INTS15: variants seen among roughly 807,000 people sequenced by gnomAD.
INTS15 encodes integrator complex subunit 15.
At chr7:6,606,125 C>T in the INTS15 span, among the ~76,000 whole-genome samples, 2 of 152,214 alleles carry the variant, frequency 1.3e-5, no homozygotes, top group African/African-American at 4.8e-5. Context: ...CGAAATTTGG[C>T]CTCTGCAGTA....
At chr7:6,602,987 C>T in the INTS15 span, among the ~76,000 whole-genome samples, 106 of 152,242 alleles carry the variant, frequency 7.0e-4, 1 homozygote, top group African/African-American at 2.4e-3. Flanking sequence ...TGGTGGCTCA[C>T]GCCTGTAATC....
At chr7:6,607,887 G>T in the INTS15 span, 1 of 1,576,702 alleles carries the variant, frequency 6.3e-7, no homozygotes, top group East Asian at 2.3e-5. The surrounding 1 kb of genome is among the most constrained non-coding windows in gnomAD (Gnocchi z 6.0). Flanking sequence ...CGGGGGGACG[G>T]GGTCAGCCTA....
the INTS15 span, chr7:6,591,790 T>A: frequency 2.8e-5 from 46 of 1,614,046 alleles, 1 homozygote; most frequent in East Asian, 9.4e-4. Context: ...CCGGATGAGC[T>A]TGTTGGGAAA....
chr7:6,594,416 CTG>C, the INTS15 span: 34 of 1,613,530 alleles, frequency 2.1e-5, 1 homozygote, highest in Admixed American at 5.7e-4. Context: ...GTTAAGTGGA[CTG>C]TGTGGCTTCT....
chr7:6,607,672 G>A, the INTS15 span: 17 of 1,511,440 alleles, frequency 1.1e-5, no homozygotes, highest in South Asian at 1.2e-4. This position sits in a 1 kb window ranked among gnomAD's most constrained non-coding sequence, Gnocchi z 6.0. Context: ...GCAGAGAGCC[G>A]CAGAGGCTGA....
chr7:6,594,031 G>A, the INTS15 span, among the ~76,000 whole-genome samples: 1 of 78,108 alleles, frequency 1.3e-5, no homozygotes, highest in African/African-American at 6.4e-5. Flanking sequence ...TTTTTGAGAT[G>A]AAGTTTTGCT....
At chr7:6,590,370 C>T in the INTS15 span, 2 of 1,607,042 alleles carry the variant, frequency 1.2e-6, no homozygotes, top group African/African-American at 1.3e-5. Context: ...TCTACTTCAG[C>T]AGCCAGCTGC....
the INTS15 span, chr7:6,594,587 T>C: frequency 6.2e-7 from 1 of 1,614,108 alleles, no homozygotes; most frequent in South Asian, 1.1e-5. Context: ...CCGCGCTCTA[T>C]GACCTGTCAT....
chr7:6,604,696 G>A, the INTS15 span, among the ~76,000 whole-genome samples: 1 of 152,208 alleles, frequency 6.6e-6, no homozygotes, highest in Non-Finnish European at 1.5e-5. Flanking sequence ...ACAGAAACAT[G>A]CATAACTCGA....
At chr7:6,590,313 C>T in the INTS15 span, 1,271 of 1,587,282 alleles carry the variant, frequency 8.0e-4, 1 homozygote, top group Non-Finnish European at 1.0e-3. Flanking sequence ...CGCTGCTGCG[C>T]CGCGATGCGC....
the INTS15 span, among the ~76,000 whole-genome samples, chr7:6,596,050 C>CTT: frequency 6.9e-3 from 1,017 of 148,242 alleles, 7 homozygotes; most frequent in African/African-American, 0.02. Context: ...TTTGAGCCTT[C>CTT]TTTTTTTTTT....
At chr7:6,594,232 C>G in the INTS15 span, among the ~76,000 whole-genome samples, 194 of 151,732 alleles carry the variant, frequency 1.3e-3, 2 homozygotes, top group Middle Eastern at 0.014. Flanking sequence ...GTCTCGAACT[C>G]CTGACCTCAG....
the INTS15 span, among the ~76,000 whole-genome samples, chr7:6,595,755 C>T: frequency 6.6e-6 from 1 of 152,068 alleles, no homozygotes; most frequent in South Asian, 2.1e-4. Flanking sequence ...AGTCATAGGT[C>T]ACTGTAGCCT....
the INTS15 span, chr7:6,599,714 C>A: frequency 9.9e-7 from 1 of 1,008,232 alleles, no homozygotes; most frequent in Non-Finnish European, 1.5e-6. Context: ...GAGGCGTGAT[C>A]CAGACCATCA....
chr7:6,600,614 C>T, the INTS15 span, among the ~76,000 whole-genome samples: 2 of 152,174 alleles, frequency 1.3e-5, no homozygotes, highest in African/African-American at 2.4e-5. Context: ...GCCTAGATAG[C>T]TTTCCTTCCA....
chr7:6,602,448 A>C, the INTS15 span, among the ~76,000 whole-genome samples: 4 of 152,176 alleles, frequency 2.6e-5, no homozygotes, highest in Admixed American at 6.6e-5. Flanking sequence ...TGTGAACTGC[A>C]CAGCCCTTTG....
the INTS15 span, among the ~76,000 whole-genome samples, chr7:6,605,808 C>T: frequency 6.6e-6 from 1 of 152,128 alleles, no homozygotes; most frequent in Non-Finnish European, 1.5e-5. Context: ...AAGCGATTCT[C>T]CTGCCTCAGC....
the INTS15 span, chr7:6,590,138 G>A: frequency 3.3e-6 from 2 of 612,490 alleles, no homozygotes; most frequent in Non-Finnish European, 4.8e-6. Flanking sequence ...GAGCAGGCAG[G>A]GAGCAGGCGG....
the INTS15 span, among the ~76,000 whole-genome samples, chr7:6,600,592 G>A: frequency 6.6e-6 from 1 of 152,144 alleles, no homozygotes; most frequent in Non-Finnish European, 1.5e-5. Flanking sequence ...CAGGACTGGG[G>A]ACTCCTTGAG....
Sources: allele counts gnomAD v4.1 joint callset (sites outside exome capture counted in the v4.1 genomes callset), GRCh38; gene constraint gnomAD v4.1.1; non-coding constraint Gnocchi (gnomAD v3.1); transcripts MANE v1.5; gene names NCBI Gene and HGNC (gene_info 2026-07-23, HGNC 2026-07-21).